TAFA5: variants seen among roughly 807,000 people sequenced by gnomAD.
The protein encoded by TAFA5 is TAFA chemokine like family member 5.
A neutral mutation model predicts 15.3 loss-of-function variants in TAFA5; 6 were observed. The observed-to-expected ratio is 0.39, with a 90% CI of 0.21 to 0.77. The LOEUF (loss-of-function observed/expected upper bound fraction) is 0.77, where lower values mean the gene tolerates loss of function less well. Among genes scored for constraint, TAFA5 ranks in the 30% least tolerant of loss-of-function variants. TAFA5 has a pLI of 0.41. For missense variants in TAFA5, 161 were observed against 193.1 expected (o/e 0.83, Z 0.98); for synonymous variants, 103 against 80.7 (o/e 1.28, Z -1.48).
chr22:48,707,602 C>A, intron 2 of TAFA5, 115 bp from the exon 3 acceptor site: 3 of 1,303,104 alleles, frequency 2.3e-6, no homozygotes, highest in Non-Finnish European at 3.2e-6. Context: ...GGTGGAGCCA[C>A]GCCGGGCATT....
intron 2 of TAFA5, among the ~76,000 whole-genome samples, chr22:48,681,708 A>G (rs1228919465): frequency 6.6e-6 from 1 of 152,016 alleles, no homozygotes; most frequent in African/African-American, 2.4e-5. Flanking sequence ...AGTTTCCAAG[A>G]GAGGCGCTTT....
rs1306542512 is a variant in TAFA5, at chr22:48,489,833, C to T, written c.112+129C>T. 1 of 491,316 alleles carries T rather than the reference C, an allele frequency of 2.0e-6. No individual in the cohort carries two copies. Among genetic ancestry groups the T allele is most frequent in the Non-Finnish European group, 3.3e-6 (1 of 299,306 alleles). The allele number at this position is 491,316 out of a possible 1,614,324, so 30.4% of individuals were successfully genotyped here. ...TTACGAGCGCCGGGCGCATGGTCCC[C>T]CGAGTCCCGGCCGGTCCAACGCTGC... is the stretch of plus-strand genomic sequence containing the variant. On this transcript the variant is annotated intron_variant, in intron 1 of 3. Coordinates refer to ENST00000402357, the MANE Select transcript of TAFA5 (RefSeq NM_001082967.3). This position sits in a 1 kb window ranked among gnomAD's most constrained non-coding sequence, Gnocchi z 5.5.
At chr22:48,613,755 A>G (rs1394021007) in intron 1 of TAFA5, among the ~76,000 whole-genome samples, 1 of 152,144 alleles carries the variant, frequency 6.6e-6, no homozygotes, top group Non-Finnish European at 1.5e-5. Flanking sequence ...CCTGAACCTG[A>G]TGCAAGGCCA....
intron 1 of TAFA5, among the ~76,000 whole-genome samples, chr22:48,586,056 C>T (rs1239149866): frequency 1.3e-5 from 2 of 152,210 alleles, no homozygotes; most frequent in Non-Finnish European, 2.9e-5. Context: ...GCAGCCTTGT[C>T]CCCATCCTCA....
intron 1 of TAFA5, among the ~76,000 whole-genome samples, chr22:48,620,188 T>G (rs1460793851): frequency 6.6e-6 from 1 of 152,022 alleles, no homozygotes; most frequent in Admixed American, 6.6e-5. Context: ...CCTCTCCTCG[T>G]GCCCACTGCC....
At chr22:48,741,408 G>A (rs777689106) in intron 3 of TAFA5, among the ~76,000 whole-genome samples, 7 of 152,170 alleles carry the variant, frequency 4.6e-5, no homozygotes, top group Non-Finnish European at 8.8e-5. Flanking sequence ...GGAAGGTGGC[G>A]GGACTCTAGG....
intron 1 of TAFA5, among the ~76,000 whole-genome samples, chr22:48,614,834 G>T (rs937749120): frequency 5.9e-5 from 9 of 152,120 alleles, no homozygotes; most frequent in Non-Finnish European, 1.2e-4. Context: ...GGGGGCCGGG[G>T]TAGGCACTGG....
intron 1 of TAFA5, among the ~76,000 whole-genome samples, chr22:48,501,485 C>G (rs1018050378): frequency 6.6e-6 from 1 of 152,218 alleles, no homozygotes; most frequent in Non-Finnish European, 1.5e-5. Context: ...TCCTGGACGC[C>G]TTCCTGGTCC....
At chr22:48,649,958 G>A (rs9617477) in intron 2 of TAFA5, among the ~76,000 whole-genome samples, 33,249 of 152,102 alleles carry the variant, frequency 0.22, 3,957 homozygotes, top group Non-Finnish European at 0.26. Context: ...CAGGAGCCGG[G>A]TCCCAGAGAC....
intron 1 of TAFA5, among the ~76,000 whole-genome samples, chr22:48,528,116 C>T (rs934544269): frequency 9.2e-5 from 14 of 152,226 alleles, no homozygotes; most frequent in South Asian, 4.1e-4. Flanking sequence ...CCACAGGCCC[C>T]GCGATGGCTC....
intron 3 of TAFA5, among the ~76,000 whole-genome samples, chr22:48,711,158 C>T (rs1400069819): frequency 6.6e-6 from 1 of 152,158 alleles, no homozygotes; most frequent in Admixed American, 6.5e-5. Context: ...CTCCGTCATC[C>T]AGCAGAGGAA....
At chr22:48,733,899 C>A (rs1159152822) in intron 3 of TAFA5, among the ~76,000 whole-genome samples, 2 of 152,186 alleles carry the variant, frequency 1.3e-5, no homozygotes, top group Non-Finnish European at 2.9e-5. Flanking sequence ...AGTTTGCCAA[C>A]CCCTGGACCA....
At chr22:48,538,612 G>T (rs771343394) in intron 1 of TAFA5, among the ~76,000 whole-genome samples, 3 of 152,192 alleles carry the variant, frequency 2.0e-5, no homozygotes, top group African/African-American at 7.2e-5. Flanking sequence ...TGGGTCTGCC[G>T]TGCTCTCTGC....
At chr22:48,531,210 G>C (rs1041015148) in intron 1 of TAFA5, among the ~76,000 whole-genome samples, 8 of 152,186 alleles carry the variant, frequency 5.3e-5, no homozygotes, top group African/African-American at 1.9e-4. Flanking sequence ...TTTCGGCCTT[G>C]CATGGAGCTC....
intron 2 of TAFA5, among the ~76,000 whole-genome samples, chr22:48,676,100 G>A (rs1246703532): frequency 6.6e-6 from 1 of 152,248 alleles, no homozygotes; most frequent in East Asian, 1.9e-4. Context: ...AGCCCCCAGA[G>A]GGCTCACAGG....
At chr22:48,510,001 G>A (rs1254401726) in intron 1 of TAFA5, among the ~76,000 whole-genome samples, 10 of 151,550 alleles carry the variant, frequency 6.6e-5, no homozygotes, top group Admixed American at 6.6e-4. Context: ...AAGAAAGACT[G>A]AAACTAGAGC....
At chr22:48,711,276 G>A (rs1360945307) in intron 3 of TAFA5, among the ~76,000 whole-genome samples, 3 of 152,152 alleles carry the variant, frequency 2.0e-5, no homozygotes, top group Non-Finnish European at 4.4e-5. Flanking sequence ...GGGAGAGTGT[G>A]TGTCGGGGGC....
rs143683205 is a variant in TAFA5, at chr22:48,675,173, G to A, written c.262+28427G>A. ...GCCAGGCTGGTCTCGAACTCCTGAC[G>A]TCAGGTGATCCACCCACCTCGGCCT... On this transcript the variant is annotated intron_variant, in intron 2 of 3. Transcript: ENST00000402357. Among the ~76,000 whole-genome samples, 443 of 152,264 alleles carry A rather than the reference G, an allele frequency of 2.9e-3. 13 individuals are homozygous for A. In the East Asian group the frequency reaches 0.065, roughly 22 times the overall value.
At chr22:48,608,095 A>AGGCTGCCAGCCCCTCCCACGGCCCCC (rs1925264114) in intron 1 of TAFA5, among the ~76,000 whole-genome samples, 6 of 117,154 alleles carry the variant, frequency 5.1e-5, no homozygotes, top group Non-Finnish European at 3.8e-5. Context: ...CCACGGCCCC[A>AGGCTGCCAGCCCCTCCCACGGCCCCC]GGCTGCCAGC....
Sources: gnomAD v4.1 joint callset for allele counts (sites outside exome capture counted in the v4.1 genomes callset) on GRCh38, gnomAD v4.1.1 for gene constraint, Gnocchi (gnomAD v3.1) non-coding constraint, MANE v1.5 for transcripts, NCBI Gene and HGNC (gene_info 2026-07-23, HGNC 2026-07-21) for gene names.